ARHGEF28: variants seen among roughly 807,000 people sequenced by gnomAD.
ARHGEF28 encodes Rho guanine nucleotide exchange factor 28.
ARHGEF28 carries 152 observed loss-of-function variants against 206.6 expected under a neutral mutation model. That is an observed-to-expected ratio of 0.74 (90% CI 0.64 to 0.84). The LOEUF (loss-of-function observed/expected upper bound fraction) is 0.84. Ranked by LOEUF, ARHGEF28 falls within the 40% of genes least tolerant of loss-of-function variation. The pLI is 0.00. For missense variants in ARHGEF28, 2,028 were observed against 2,073.2 expected, an observed-to-expected ratio of 0.98 and a Z score of 0.42; for synonymous variants, 763 against 776.4, an observed-to-expected ratio of 0.98 and a Z score of 0.29.
chr5:73,866,585 A>G (rs1759721985), intron 18 of ARHGEF28, among the ~76,000 whole-genome samples: 1 of 152,202 alleles, frequency 6.6e-6, no homozygotes, highest in African/African-American at 2.4e-5. Flanking sequence ...TAGCTCCTTT[A>G]GAATGACCGT....
rs57320048 is a variant in ARHGEF28, at chr5:73,783,345, A to AGTGTGTGTGT, written c.910+2631_910+2640dup. Among the ~76,000 whole-genome samples, 508 of 145,908 alleles carry AGTGTGTGTGT rather than the reference A, an allele frequency of 3.5e-3. 2 individuals are homozygous for AGTGTGTGTGT. The highest frequency in any genetic ancestry group is 0.014 in the Middle Eastern group (4 of 284). On this transcript the variant is annotated intron_variant, in intron 7 of 35. Transcript: ENST00000513042. ...AGCTCATTTTGAAGCCCTGGAATAT[A>AGTGTGTGTGT]GTGTGTGTGTGTGTGTGTGTGTGTG...
At chr5:73,788,161 A>G (rs1754271157) in intron 7 of ARHGEF28, among the ~76,000 whole-genome samples, 1 of 152,236 alleles carries the variant, frequency 6.6e-6, no homozygotes, top group African/African-American at 2.4e-5. Context: ...GTATTCTAAT[A>G]GAATTGCAGT....
chr5:73,795,495 A>G, intron 9 of ARHGEF28, 104 bp downstream of exon 9: 1 of 1,004,300 alleles, frequency 1.0e-6, no homozygotes, highest in Non-Finnish European at 1.5e-6. Context: ...CCTTCCTGGT[A>G]ACCTTATCTA....
chr5:73,887,685 T>G lies in ARHGEF28; in HGVS notation c.3387+6T>G. 12 of 1,554,616 alleles carry G rather than the reference T, an allele frequency of 7.7e-6. No individual in the cohort carries two copies. Among genetic ancestry groups the G allele is most frequent in the Non-Finnish European group, 1.0e-5 (12 of 1,149,404 alleles). On this transcript the variant is annotated splice_donor_region_variant and intron_variant, in intron 26 of 35. Coordinates refer to ENST00000513042, the MANE Select transcript of ARHGEF28 (RefSeq NM_001177693.2). ...AATACATCTTTGCAGCCGTTGTAAG[T>G]ATATGACTGTGTGATGTATTTAAAA... is the stretch of plus-strand genomic sequence containing the variant.
At chr5:73,904,788 A>C (rs1762458766) in intron 33 of ARHGEF28, 3 of 208,842 alleles carry the variant, frequency 1.4e-5, no homozygotes, top group African/African-American at 7.0e-5. Context: ...TAGAGCAGTT[A>C]AGTAATCCAT....
At chr5:73,866,296 T>C (rs1315710589) in intron 18 of ARHGEF28, among the ~76,000 whole-genome samples, 2 of 152,232 alleles carry the variant, frequency 1.3e-5, no homozygotes, top group East Asian at 3.8e-4. Flanking sequence ...AGATGCTGTC[T>C]AGTGGAATAT....
At chr5:73,694,426 A>G (rs1748051499) in intron 2 of ARHGEF28, among the ~76,000 whole-genome samples, 1 of 152,172 alleles carries the variant, frequency 6.6e-6, no homozygotes, top group Non-Finnish European at 1.5e-5. Context: ...TGCAGCCTGT[A>G]TTTTTAATAA....
At chr5:73,702,951 A>T (rs1455205751) in intron 2 of ARHGEF28, among the ~76,000 whole-genome samples, 1 of 152,184 alleles carries the variant, frequency 6.6e-6, no homozygotes, top group African/African-American at 2.4e-5. Flanking sequence ...CTGAGTTGAG[A>T]TAGCAAGAGT....
intron 1 of ARHGEF28, among the ~76,000 whole-genome samples, chr5:73,680,244 G>T (rs1445213098): frequency 1.3e-5 from 2 of 151,820 alleles, no homozygotes; most frequent in Non-Finnish European, 2.9e-5. Flanking sequence ...AGACCAGCCT[G>T]GTCAACATGG....
intron 9 of ARHGEF28, among the ~76,000 whole-genome samples, chr5:73,825,545 G>A (rs967542800): frequency 2.6e-5 from 4 of 152,162 alleles, no homozygotes; most frequent in African/African-American, 4.8e-5. Context: ...AGCCATTGGA[G>A]AACGTTGCAG....
intron 10 of ARHGEF28, among the ~76,000 whole-genome samples, chr5:73,838,572 C>T (rs1213805125): frequency 6.6e-6 from 1 of 152,046 alleles, no homozygotes; most frequent in African/African-American, 2.4e-5. Context: ...CCCTGTATAC[C>T]CTTTACTCAA....
At chr5:73,907,926 A>G (rs146759702) in intron 33 of ARHGEF28, among the ~76,000 whole-genome samples, 234 of 152,296 alleles carry the variant, frequency 1.5e-3, no homozygotes, top group African/African-American at 5.3e-3. Context: ...TAGTTTTGAC[A>G]TATAAAGTAT....
intron 25 of ARHGEF28, 136 bp from the exon 26 acceptor site, chr5:73,887,467 A>G (rs1243227469): frequency 6.2e-6 from 4 of 643,278 alleles, no homozygotes; most frequent in Non-Finnish European, 1.0e-5. Flanking sequence ...TTAATAGCAT[A>G]TATCTTTGGC....
Position 73,893,226 on chromosome 5 carries a change from G to A in ARHGEF28, c.3596G>A (p.Ser1199Asn), listed in dbSNP as rs756984695. 4 of 1,557,850 alleles carry A rather than the reference G, an allele frequency of 2.6e-6. No homozygotes were observed. Among genetic ancestry groups the A allele is most frequent in the South Asian group, 1.2e-5 (1 of 82,704 alleles). The part of the protein sequence containing the change: ...SCPEEKGGRT[S>N]ESDEDKRKAE... ...CCTGAAGAAAAAGGGGGAAGGACAA[G>A]TGAATCTGATGAAGACAAGAGGAAA... Residue 1199 changes from serine (S) to asparagine (N), a missense_variant, in exon 28 of 36, where the codon AGT becomes AAT. By Grantham distance (46) the Ser-to-Asn change is conservative. Coordinates refer to ENST00000513042, the MANE Select transcript of ARHGEF28 (RefSeq NM_001177693.2).
intron 35 of ARHGEF28, among the ~76,000 whole-genome samples, chr5:73,914,897 T>C (rs1333416543): frequency 2.6e-5 from 4 of 152,188 alleles, no homozygotes; most frequent in East Asian, 3.9e-4. Context: ...ACTTGCACTA[T>C]GCCCAGCTAA....
chr5:73,693,489 C>G (rs187416483), intron 2 of ARHGEF28, among the ~76,000 whole-genome samples: 1 of 152,236 alleles, frequency 6.6e-6, no homozygotes, highest in Admixed American at 6.5e-5. Flanking sequence ...CTTCCCAGCT[C>G]AAAATAATAG....
At chr5:73,713,739 G>A (rs540036669) in intron 2 of ARHGEF28, among the ~76,000 whole-genome samples, 16 of 152,240 alleles carry the variant, frequency 1.1e-4, no homozygotes, top group African/African-American at 3.9e-4. Context: ...ACTTAGGAAT[G>A]ACTATAGAAT....
chr5:73,745,201 A>G (rs1751657620), intron 2 of ARHGEF28, among the ~76,000 whole-genome samples: 1 of 152,050 alleles, frequency 6.6e-6, no homozygotes, highest in African/African-American at 2.4e-5. Flanking sequence ...ATACAGATGC[A>G]TTGTTTATAA....
intron 2 of ARHGEF28, among the ~76,000 whole-genome samples, chr5:73,714,684 G>T (rs1749465407): frequency 6.6e-6 from 1 of 152,072 alleles, no homozygotes; most frequent in Non-Finnish European, 1.5e-5. Flanking sequence ...AAACTTCTAT[G>T]CAGTCATATG....
Sources: gnomAD v4.1 joint callset for allele counts (sites outside exome capture counted in the v4.1 genomes callset) on GRCh38, gnomAD v4.1.1 for gene constraint, MANE v1.5 for transcripts, NCBI Gene and HGNC (gene_info 2026-07-23, HGNC 2026-07-21) for gene names.